Variants in ZNF395 observed in about 807,000 individuals in gnomAD.
ZNF395 encodes zinc finger protein 395.
A neutral mutation model predicts 57.7 loss-of-function variants in ZNF395; 20 were observed. That is an observed-to-expected ratio of 0.35 (90% CI 0.24 to 0.50). The LOEUF (loss-of-function observed/expected upper bound fraction) is 0.50, where lower values mean the gene tolerates loss of function less well. ZNF395 is among the 20% of genes least tolerant of loss of function. The pLI, the probability that ZNF395 is intolerant of heterozygous loss-of-function variation, is 0.97. For missense variants in ZNF395, 606 were observed against 671.2 expected (o/e 0.90, Z 1.07); for synonymous variants, 295 against 275.9 (o/e 1.07, Z -0.69).
chr8:28,369,810 T>A (rs1354558903), intron 1 of ZNF395, among the ~76,000 whole-genome samples: 1 of 152,178 alleles, frequency 6.6e-6, no homozygotes, highest in Non-Finnish European at 1.5e-5. Flanking sequence ...CCAGCGTCTT[T>A]AAACATATCA....
At chr8:28,382,900 G>A (rs1268660040) in intron 1 of ZNF395, among the ~76,000 whole-genome samples, 2 of 152,188 alleles carry the variant, frequency 1.3e-5, no homozygotes, top group Non-Finnish European at 2.9e-5. Flanking sequence ...AGAAATGTCA[G>A]AGATGACACC....
rs1263955424 is a variant in ZNF395, at chr8:28,348,732, C to T, written c.1529G>A (p.Arg510His). ...CTGCAGCACAGCTCAGTCCAGAAAG[C>T]GCTGGCAGGCCTTCTTCCACCGGCA... ...TACRWKKACQ[R>H]FLD Residue 510 changes from arginine to histidine, a missense_variant, in exon 10 of 10, where the codon CGC (arginine) becomes CAC (histidine). Arg to His is a conservative substitution (Grantham distance 29). Transcript: ENST00000344423. 1.2e-6 allele frequency: 2 copies of T among 1,614,016 alleles called. No individual in the cohort carries two copies. The highest frequency in any genetic ancestry group is 1.7e-6 in the Non-Finnish European group (2 of 1,179,988).
At chr8:28,360,075 G>T (rs1443032031) in intron 2 of ZNF395, among the ~76,000 whole-genome samples, 1 of 152,196 alleles carries the variant, frequency 6.6e-6, no homozygotes, top group Non-Finnish European at 1.5e-5. Flanking sequence ...GTCAGTTTCT[G>T]GGACTTTCTC....
Position 28,361,173 on chromosome 8 carries a change from T to C in ZNF395, c.-49A>G, listed in dbSNP as rs781345361. The C allele has an allele frequency of 6.2e-7, 1 of 1,605,704 alleles. No individual in the cohort carries two copies. Among genetic ancestry groups the C allele is most frequent in the Non-Finnish European group, 8.5e-7 (1 of 1,179,884 alleles). ...GAGGCGAAGGGGACACTGAAGCCTCTGCCCATCACCTGGGGGAATCAGGAA... is the reference window on the plus strand; with the variant it reads ...GAGGCGAAGGGGACACTGAAGCCTCCGCCCATCACCTGGGGGAATCAGGAA... On this transcript the variant is annotated 5_prime_UTR_variant, in exon 2 of 10. Coordinates refer to ENST00000344423, the MANE Select transcript of ZNF395 (RefSeq NM_018660.3).
chr8:28,364,526 C>G (rs1330958241), intron 1 of ZNF395, among the ~76,000 whole-genome samples: 1 of 151,952 alleles, frequency 6.6e-6, no homozygotes, highest in East Asian at 1.9e-4. Context: ...TGGTGGCGTG[C>G]ACTTGTAAGC....
chr8:28,366,832 A>C (rs1801916424), intron 1 of ZNF395, among the ~76,000 whole-genome samples: 1 of 146,720 alleles, frequency 6.8e-6, no homozygotes, highest in Admixed American at 6.7e-5. Context: ...AAAAAAAAAA[A>C]GACACTTCGC....
chr8:28,372,193 G>T (rs571108814), intron 1 of ZNF395, among the ~76,000 whole-genome samples: 1 of 152,222 alleles, frequency 6.6e-6, no homozygotes, highest in Non-Finnish European at 1.5e-5. Context: ...CTTTAATGAG[G>T]CAATGAATTT....
chr8:28,353,510 C>T (rs891061405), intron 4 of ZNF395, 102 bp from the exon 5 acceptor site: 6 of 911,620 alleles, frequency 6.6e-6, no homozygotes, highest in Non-Finnish European at 9.7e-6. Flanking sequence ...TCATTCATGG[C>T]AGCAATTTCT....
intron 7 of ZNF395, 140 bp from the exon 8 acceptor site, chr8:28,350,296 C>G (rs873373): frequency 3.4e-5 from 24 of 709,706 alleles, no homozygotes; most frequent in Non-Finnish European, 5.2e-5. Context: ...GGGACACACT[C>G]GGCTTTCTCG....
In ZNF395 at chr8:28,350,075, A is replaced by G. The variant is rs1563335682; in HGVS notation, c.1315T>C (p.Ser439Pro). 2 of 1,601,998 alleles carry G rather than the reference A, an allele frequency of 1.2e-6. No homozygotes were observed. The highest frequency in any genetic ancestry group is 1.7e-6 in the Non-Finnish European group (2 of 1,176,508). Residue 439 changes from serine to proline, a missense_variant, in exon 8 of 10, where the codon TCT becomes CCT. Physicochemically the swap from Ser to Pro is moderately conservative, Grantham distance 74 (BLOSUM62 -1). Around this residue, in one of 3 missense-constraint regions of ZNF395, gnomAD observed 261 missense variants for 240.3 expected, o/e 1.09. Coordinates refer to ENST00000344423, the MANE Select transcript of ZNF395 (RefSeq NM_018660.3). The stretch of plus-strand genomic sequence containing the variant: ...GCCCGCACACTCACCGGAGAGAGAG[A>G]GCAGGCGGCGGAGGGGGCAGCAGCC... Reference protein sequence around the residue: ...SWAAAPSAACSLSPVRSRSLS... With the variant: ...SWAAAPSAACPLSPVRSRSLS...
Position 28,356,560 on chromosome 8 carries a change from G to T in ZNF395, c.583+110C>A, listed in dbSNP as rs1801781571. On this transcript the variant is annotated intron_variant, in intron 4 of 9. Coordinates refer to ENST00000344423, the MANE Select transcript of ZNF395 (RefSeq NM_018660.3). This position sits in a 1 kb window ranked among gnomAD's most constrained non-coding sequence, Gnocchi z 4.0. ...AGAGGTGCCAGTGGGAGGTGTCCCT[G>T]GACATTCTATTGCCAGGCTGGTGAC... is the stretch of plus-strand genomic sequence containing the variant. 4.1e-6 allele frequency: 3 copies of T among 728,340 alleles called. No individual in the cohort carries two copies. The African/African-American group carries it at 5.3e-5, about 13-fold the overall frequency. The allele number at this position is 728,340 out of a possible 1,614,324, so 45.1% of individuals were successfully genotyped here.
Position 28,359,677 on chromosome 8 carries a change from G to C in ZNF395, c.388C>G (p.Pro130Ala), listed in dbSNP as rs1801825134. 2 of 1,614,008 alleles carry C rather than the reference G, an allele frequency of 1.2e-6. No individual in the cohort carries two copies. The highest frequency in any genetic ancestry group is 2.2e-5 in the South Asian group (2 of 91,076). Residue 130 changes from proline to alanine, a missense_variant, in exon 3 of 10, where the codon CCC becomes GCC. By Grantham distance (27) the Pro-to-Ala change is conservative. This residue lies in a region of ZNF395 where 309 missense variants were observed against 374.7 expected (regional missense o/e 0.82). Coordinates refer to ENST00000344423, the MANE Select transcript of ZNF395 (RefSeq NM_018660.3). The surrounding 1 kb of genome is among the most constrained non-coding windows in gnomAD (Gnocchi z 4.7). The part of the protein sequence containing the change: ...EEVWLAELQG[P>A]CPQAPPLEPG... ...TCCAGGGGTGGTGCCTGGGGACAGG[G>C]GCCCTGCAGCTCTGCCAGCCACACC...
intron 1 of ZNF395, among the ~76,000 whole-genome samples, chr8:28,367,808 TAAG>T (rs1801929019): frequency 1.3e-5 from 2 of 152,278 alleles, no homozygotes; most frequent in African/African-American, 2.4e-5. Flanking sequence ...CTTCCAGCGG[TAAG>T]AAGAGGCCCA....
chr8:28,375,842 T>C (rs975142935), intron 1 of ZNF395, among the ~76,000 whole-genome samples: 2 of 151,758 alleles, frequency 1.3e-5, no homozygotes, highest in African/African-American at 4.8e-5. Context: ...AGAAGAAAAA[T>C]AGAAAGAGGA....
At chr8:28,383,483 C>T (rs1399228864) in intron 1 of ZNF395, among the ~76,000 whole-genome samples, 2 of 152,156 alleles carry the variant, frequency 1.3e-5, no homozygotes, top group Non-Finnish European at 1.5e-5. Flanking sequence ...CAAAGCCCAG[C>T]AATTTACTGT....
intron 1 of ZNF395, among the ~76,000 whole-genome samples, chr8:28,380,157 A>T (rs1416276058): frequency 6.8e-6 from 1 of 147,924 alleles, no homozygotes; most frequent in Non-Finnish European, 1.5e-5. Flanking sequence ...ACTAGAGTTT[A>T]AAAAAAAAAA....
chr8:28,358,138 T>G (rs1311928196), intron 3 of ZNF395, among the ~76,000 whole-genome samples: 2 of 148,816 alleles, frequency 1.3e-5, no homozygotes, highest in African/African-American at 5.0e-5. Context: ...TTGTGGGTTT[T>G]TTTCTTTTTT....
intron 1 of ZNF395, chr8:28,365,601 T>C (rs1171470309): frequency 1.3e-5 from 2 of 152,194 alleles, no homozygotes; most frequent in Admixed American, 1.3e-4. Flanking sequence ...TCTCCTCTTA[T>C]GGAATTCCCT....
chr8:28,373,623 G>A (rs887605061), intron 1 of ZNF395, among the ~76,000 whole-genome samples: 2 of 152,152 alleles, frequency 1.3e-5, no homozygotes, highest in East Asian at 3.9e-4. Context: ...CGGGCTGCCC[G>A]TTCGGCCTGT....
Sources: allele counts gnomAD v4.1 joint callset (sites outside exome capture counted in the v4.1 genomes callset), GRCh38; gene constraint gnomAD v4.1.1; regional missense constraint gnomAD v4.1.1; non-coding constraint Gnocchi (gnomAD v3.1); transcripts MANE v1.5; gene names NCBI Gene and HGNC (gene_info 2026-07-23, HGNC 2026-07-21).